UBA6: variants seen among roughly 807,000 people sequenced by gnomAD.
The protein encoded by UBA6 is ubiquitin like modifier activating enzyme 6, also known as ubiquitin-like modifier-activating enzyme 6.
Under a neutral mutation model 148.3 loss-of-function variants are expected in UBA6, and 87 were observed. The observed-to-expected ratio is 0.59, with a 90% CI of 0.49 to 0.70. The LOEUF (loss-of-function observed/expected upper bound fraction) is 0.70. Among genes scored for constraint, UBA6 ranks in the 30% least tolerant of loss-of-function variants. The probability of loss-of-function intolerance (pLI) is 0.00; values close to 1 mark genes in which losing one functional copy is unlikely to be tolerated. For synonymous variants in UBA6, 376 were observed against 401.0 expected, an observed-to-expected ratio of 0.94 and a Z score of 0.75; for missense variants, 1,186 against 1,241.2, an observed-to-expected ratio of 0.96 and a Z score of 0.67.
intron 32 of UBA6, among the ~76,000 whole-genome samples, chr4:67,621,597 A>G (rs984888407): frequency 1.3e-5 from 2 of 152,178 alleles, no homozygotes; most frequent in African/African-American, 2.4e-5. Context: ...TTAGGTCAGG[A>G]GTTCAAGACC....
At chr4:67,662,429 A>T in intron 12 of UBA6, 174 bp from the exon 13 acceptor site, 1 of 524,646 alleles carries the variant, frequency 1.9e-6, no homozygotes, top group Non-Finnish European at 3.3e-6. Context: ...ACATTACTTC[A>T]AAATCACACT....
At chr4:67,632,434 A>G (rs1729020500) in intron 23 of UBA6, among the ~76,000 whole-genome samples, 1 of 152,208 alleles carries the variant, frequency 6.6e-6, no homozygotes, top group Non-Finnish European at 1.5e-5. Flanking sequence ...CAATTACATT[A>G]GGGTTCATTA....
intron 15 of UBA6, 67 bp from the exon 16 acceptor site, chr4:67,646,083 A>G: frequency 1.2e-6 from 1 of 864,472 alleles, no homozygotes; most frequent in Admixed American, 2.3e-5. Flanking sequence ...ACTGTCATTA[A>G]TACCAATTTA....
intron 6 of UBA6, among the ~76,000 whole-genome samples, chr4:67,677,183 C>T (rs1218693662): frequency 6.6e-6 from 1 of 152,184 alleles, no homozygotes; most frequent in Non-Finnish European, 1.5e-5. Flanking sequence ...CTGGACTTGA[C>T]CTTCTGTTTC....
In UBA6 at chr4:67,634,526, A is replaced by G. The variant is rs1167662725; in HGVS notation, c.1843-8T>C. 3 of 1,550,284 alleles carry G rather than the reference A, an allele frequency of 1.9e-6. No individual in the cohort carries two copies. Among genetic ancestry groups the G allele is most frequent in the Non-Finnish European group, 2.6e-6 (3 of 1,157,384 alleles). On this transcript the variant is annotated splice_region_variant and splice_polypyrimidine_tract_variant and intron_variant, in intron 20 of 32. Transcript: ENST00000322244. ...CTCTTCTGGGGGATCCCGCTAATTTATAAAATATGACAACAGGTACTTAAG... is the reference window on the plus strand; with the variant it reads ...CTCTTCTGGGGGATCCCGCTAATTTGTAAAATATGACAACAGGTACTTAAG...
intron 1 of UBA6, 151 bp downstream of exon 1, chr4:67,700,898 C>A (rs1021456489): frequency 3.5e-6 from 3 of 866,052 alleles, no homozygotes; most frequent in South Asian, 1.5e-5. Context: ...TCGCCACACC[C>A]ACTCCGCGCG....
chr4:67,634,940 A>T (rs1729100899), intron 20 of UBA6, among the ~76,000 whole-genome samples: 2 of 152,132 alleles, frequency 1.3e-5, no homozygotes, highest in South Asian at 4.1e-4. Context: ...TGGGAGCAGA[A>T]ATATGTCCTC....
At position 67,635,476 on chromosome 4, in the gene UBA6, A is replaced by G. The variant is rs1244384096; in HGVS notation, c.1819T>C (p.Leu607=). The G allele has an allele frequency of 1.9e-6, 3 of 1,606,678 alleles. No homozygotes were observed. The highest frequency in any genetic ancestry group is 1.7e-6 in the Non-Finnish European group (2 of 1,173,458). The part of the protein sequence containing the change: ...KGHTEVIVPH[L]TESYNSHRDP... ...ACATGACTATTGTAAGACTCAGTCA[A>G]ATGCGGTACAATAACTTCAGTGTGT... is the stretch of plus-strand genomic sequence containing the variant. The change falls in exon 20 of 33, where the codon TTG becomes CTG. Residue 607 remains leucine, a synonymous_variant. Transcript: ENST00000322244.
chr4:67,633,324 T>C, intron 23 of UBA6, 21 bp downstream of exon 23: 1 of 1,556,242 alleles, frequency 6.4e-7, no homozygotes, highest in Non-Finnish European at 8.6e-7. Context: ...CTTTTCTTAA[T>C]GTCTCACAAT....
At chr4:67,655,869 C>T (rs1729676590) in intron 13 of UBA6, among the ~76,000 whole-genome samples, 2 of 152,258 alleles carry the variant, frequency 1.3e-5, no homozygotes, top group East Asian at 3.9e-4. Context: ...CACCATCAAT[C>T]CCACAGAAAT....
At position 67,635,480 on chromosome 4, in the gene UBA6, C is replaced by T. The variant is rs139389373; in HGVS notation, c.1815G>A (p.Pro605=). The T allele has an allele frequency of 1.0e-5, 16 of 1,606,692 alleles. No homozygotes were observed. The highest frequency in any genetic ancestry group is 1.7e-4 in the Middle Eastern group (1 of 6,046). Residue 605 remains proline, a synonymous_variant, in exon 20 of 33, where the codon CCG becomes CCA. Transcript: ENST00000322244. ...GTKGHTEVIV[P]HLTESYNSHR... ...GACTATTGTAAGACTCAGTCAAATG[C>T]GGTACAATAACTTCAGTGTGTCCCT... is the stretch of plus-strand genomic sequence containing the variant.
chr4:67,663,567 G>GTA, intron 11 of UBA6: 2 of 386,630 alleles, frequency 5.2e-6, no homozygotes, highest in African/African-American at 4.1e-5. Flanking sequence ...GTATAAAATG[G>GTA]TACGATTCAG....
chr4:67,630,998 T>G lies in UBA6; in HGVS notation c.2259-463A>C, dbSNP rs148786855. Among the ~76,000 whole-genome samples, 965 of 152,198 alleles carry G rather than the reference T, an allele frequency of 6.3e-3. 14 individuals carry two copies. Among genetic ancestry groups the G allele is most frequent in the African/African-American group, 0.022 (924 of 41,552 alleles). ...CTGGAAGCCTAAAACCACCACCAGA[T>G]GAGAAAATTAAGCATAGAGTTATCT... On this transcript the variant is annotated intron_variant, in intron 25 of 32. Coordinates refer to ENST00000322244, the MANE Select transcript of UBA6 (RefSeq NM_018227.6).
chr4:67,698,263 T>C (rs1730886990), intron 1 of UBA6, among the ~76,000 whole-genome samples: 1 of 152,220 alleles, frequency 6.6e-6, no homozygotes, highest in Non-Finnish European at 1.5e-5. Flanking sequence ...GCCTAACTCA[T>C]TAACCTGTCA....
chr4:67,680,163 GA>G (rs1239691000), intron 4 of UBA6, among the ~76,000 whole-genome samples: 1 of 152,112 alleles, frequency 6.6e-6, no homozygotes, highest in Non-Finnish European at 1.5e-5. Context: ...GTGAAACCAA[GA>G]AAGTCATGAC....
chr4:67,631,428 A>C (rs1249669047), intron 25 of UBA6, among the ~76,000 whole-genome samples: 2 of 152,182 alleles, frequency 1.3e-5, no homozygotes, highest in Non-Finnish European at 2.9e-5. Context: ...TCATTTTACT[A>C]ATTTATGGAT....
At chr4:67,645,219 A>G (rs533365860) in intron 16 of UBA6, among the ~76,000 whole-genome samples, 1 of 152,294 alleles carries the variant, frequency 6.6e-6, no homozygotes, top group African/African-American at 2.4e-5. Context: ...TTCAGGGCTA[A>G]TTTTAATAAT....
Position 67,635,547 on chromosome 4 carries a change from G to C in UBA6, c.1748C>G (p.Ala583Gly). The C allele has an allele frequency of 6.2e-7, 1 of 1,607,430 alleles. No individual in the cohort carries two copies. The highest frequency in any genetic ancestry group is 1.7e-5 in the Admixed American group (1 of 59,926). The change falls in exon 20 of 33, where the codon GCA (alanine) becomes GGA (glycine). Residue 583 changes from alanine (A) to glycine (G), a missense_variant. Ala to Gly is a moderately conservative substitution (Grantham distance 60, BLOSUM62 0). Coordinates refer to ENST00000322244, the MANE Select transcript of UBA6 (RefSeq NM_018227.6). ...AGAATCTAAAAGAGGCCTTAGATTT[G>C]CTAAGCAACGACTATTTGAAAAGAC... The part of the protein sequence containing the change: ...ARRYVDSRCL[A>G]NLRPLLDSGT...
At position 67,616,451 on chromosome 4, in the gene UBA6, T is replaced by G. The variant is rs1728628673; in HGVS notation, c.*2546A>C. The G allele has an allele frequency of 8.2e-6, 2 of 244,086 alleles. No homozygotes were observed. Among genetic ancestry groups the G allele is most frequent in the Admixed American group, 1.1e-4 (2 of 18,152 alleles). The allele number at this position is 244,086 out of a possible 1,614,324, so 15.1% of individuals were successfully genotyped here. On this transcript the variant is annotated 3_prime_UTR_variant, in exon 33 of 33. Coordinates refer to ENST00000322244, the MANE Select transcript of UBA6 (RefSeq NM_018227.6). Reference sequence around the variant, plus strand: ...TAGATTAAAAAATAAAGATATACATTTATTTCCATGTCCTACCTTTGGGAC... The same window carrying G: ...TAGATTAAAAAATAAAGATATACATGTATTTCCATGTCCTACCTTTGGGAC...
Sources: allele counts gnomAD v4.1 joint callset (sites outside exome capture counted in the v4.1 genomes callset), GRCh38; gene constraint gnomAD v4.1.1; transcripts MANE v1.5; gene names NCBI Gene and HGNC (gene_info 2026-07-23, HGNC 2026-07-21).